SPEF2: variants seen among roughly 807,000 people sequenced by gnomAD.
SPEF2 encodes sperm flagella and cilia-associated protein 2.
SPEF2 carries 187 observed loss-of-function variants against 224.6 expected under a neutral mutation model. The observed-to-expected ratio is 0.83, with a 90% CI of 0.74 to 0.94. The LOEUF is 0.94. SPEF2 is among the 40% of genes least tolerant of loss of function. SPEF2 has a pLI of 0.00. For synonymous variants in SPEF2, 715 were observed against 707.3 expected, an observed-to-expected ratio of 1.01 and a Z score of -0.17; for missense variants, 2,170 against 2,135.6, an observed-to-expected ratio of 1.02 and a Z score of -0.32.
At chr5:35,663,476 T>C (rs6863096) in intron 8 of SPEF2, among the ~76,000 whole-genome samples, 92,257 of 151,970 alleles carry the variant, frequency 0.61, 28,728 homozygotes, top group East Asian at 0.73. Flanking sequence ...TCAAATTGTA[T>C]AAGCCTGAAA....
rs1389281731 is a variant in SPEF2 at position 35,727,816 on chromosome 5, T to G, written c.3056T>G (p.Val1019Gly). 1 of 1,610,876 alleles carries G rather than the reference T, an allele frequency of 6.2e-7. No individual in the cohort carries two copies. The highest frequency in any genetic ancestry group is 8.5e-7 in the Non-Finnish European group (1 of 1,178,948). Reference sequence around the variant, plus strand: ...GAATGGGTCTATGTGAATGAACCAGTTCCTGAGGTATGGCCATTTAGAATC... The same window carrying G: ...GAATGGGTCTATGTGAATGAACCAGGTCCTGAGGTATGGCCATTTAGAATC... ...SEEWVYVNEP[V>G]PEEMPLFLVP... Residue 1019 changes from valine to glycine, a missense_variant, in exon 21 of 37, where the codon GTT (valine) becomes GGT (glycine). Physicochemically the swap from Val to Gly is moderately radical, Grantham distance 109. Transcript: ENST00000356031.
chr5:35,789,985 G>C (rs1232508231), intron 30 of SPEF2: 1 of 700,772 alleles, frequency 1.4e-6, no homozygotes, highest in Non-Finnish European at 2.6e-6. Context: ...GGTAAAACTT[G>C]GGAGTCTCAA....
intron 19 of SPEF2, 158 bp downstream of exon 19, chr5:35,709,279 A>T: frequency 7.6e-6 from 11 of 1,447,366 alleles, no homozygotes; most frequent in Non-Finnish European, 9.9e-6. Context: ...CCCTCGGAGT[A>T]GCTAAAAGCG....
chr5:35,806,702 T>C lies in SPEF2; in HGVS notation c.5011-5T>C, dbSNP rs1376694870. 6 of 1,608,682 alleles carry C rather than the reference T, an allele frequency of 3.7e-6. No individual in the cohort carries two copies. The Admixed American group carries it at 1.0e-4, about 27-fold the overall frequency. ...ACTTCATGTTCTCTTCATTTAACTT[T>C]GCAGACCTCCTCAACTGATGCAGGT... On this transcript the variant is annotated splice_polypyrimidine_tract_variant and splice_region_variant and intron_variant, in intron 34 of 36. Transcript: ENST00000356031.
chr5:35,694,027 A>T (rs1317050650), intron 12 of SPEF2, among the ~76,000 whole-genome samples: 1 of 152,208 alleles, frequency 6.6e-6, no homozygotes, highest in Non-Finnish European at 1.5e-5. Context: ...CATATTTTAC[A>T]TAGTAATTGA....
chr5:35,807,757 A>C (rs1331647497), intron 36 of SPEF2: 2 of 1,535,886 alleles, frequency 1.3e-6, no homozygotes, highest in East Asian at 4.9e-5. Context: ...AAACTGGACA[A>C]ACCCAGCAGA....
In SPEF2 at chr5:35,807,246, A is replaced by G; in HGVS notation, c.5372A>G (p.Lys1791Arg). 6.2e-7 allele frequency: 1 copy of G among 1,611,964 alleles called. No homozygotes were observed. Among genetic ancestry groups the G allele is most frequent in the Non-Finnish European group, 8.5e-7 (1 of 1,179,550 alleles). Residue 1791 changes from lysine to arginine, a missense_variant, in exon 36 of 37, where the codon AAG (lysine) becomes AGG (arginine). Physicochemically the swap from Lys to Arg is conservative, Grantham distance 26. Coordinates refer to ENST00000356031, the MANE Select transcript of SPEF2 (RefSeq NM_024867.4). ...CTGATTTCAAATTATTCAGACTATAAGTTTCCTGTGAGTATTACCCCAAAG... is the reference window on the plus strand; with the variant it reads ...CTGATTTCAAATTATTCAGACTATAGGTTTCCTGTGAGTATTACCCCAAAG... ...QDLISNYSDY[K>R]FPDIKIILQR... is the part of the protein sequence containing the mutation.
At chr5:35,713,318 A>G (rs1357293987) in intron 20 of SPEF2, among the ~76,000 whole-genome samples, 1 of 152,200 alleles carries the variant, frequency 6.6e-6, no homozygotes, top group Non-Finnish European at 1.5e-5. Flanking sequence ...CCTTGGTACA[A>G]TACTGTTAAC....
chr5:35,627,784 G>T (rs1022058339), intron 1 of SPEF2, among the ~76,000 whole-genome samples: 1 of 152,160 alleles, frequency 6.6e-6, no homozygotes, highest in East Asian at 1.9e-4. Flanking sequence ...AACTCAGGAA[G>T]ATGAAGCAGC....
intron 10 of SPEF2, among the ~76,000 whole-genome samples, chr5:35,672,540 T>C (rs923498481): frequency 6.6e-6 from 1 of 151,788 alleles, no homozygotes; most frequent in Non-Finnish European, 1.5e-5. Flanking sequence ...TTGAAACATT[T>C]ATTTTTTGCT....
At chr5:35,655,046 T>G (rs1448404383) in intron 7 of SPEF2, among the ~76,000 whole-genome samples, 2 of 152,238 alleles carry the variant, frequency 1.3e-5, no homozygotes, top group Admixed American at 6.5e-5. Flanking sequence ...GTATCTGCCA[T>G]GTGTACTCTA....
At chr5:35,738,201 G>C (rs112673275) in intron 21 of SPEF2, among the ~76,000 whole-genome samples, 1 of 152,034 alleles carries the variant, frequency 6.6e-6, no homozygotes, top group Non-Finnish European at 1.5e-5. Flanking sequence ...TTGCTCTGCC[G>C]AAGCTCTTTA....
intron 10 of SPEF2, among the ~76,000 whole-genome samples, chr5:35,680,367 T>A (rs755231093): frequency 1.3e-5 from 2 of 152,212 alleles, no homozygotes; most frequent in Non-Finnish European, 2.9e-5. Flanking sequence ...TGCTTTCTGA[T>A]CTTGTCCCTA....
chr5:35,639,067 A>C (rs1746235898), intron 2 of SPEF2, among the ~76,000 whole-genome samples: 1 of 152,164 alleles, frequency 6.6e-6, no homozygotes, highest in African/African-American at 2.4e-5. Context: ...GCCTTTTTAC[A>C]AGGAAAAAGG....
intron 25 of SPEF2, among the ~76,000 whole-genome samples, chr5:35,762,327 A>G (rs1172400916): frequency 1.3e-5 from 2 of 152,224 alleles, no homozygotes; most frequent in East Asian, 3.8e-4. Context: ...GTTGAAAAAT[A>G]CATGTTGTAC....
chr5:35,702,271 T>C (rs1480775057), intron 16 of SPEF2: 1 of 456,124 alleles, frequency 2.2e-6, no homozygotes, highest in Admixed American at 2.3e-5. Flanking sequence ...AGAAACACAC[T>C]ACATCCAAAG....
At chr5:35,632,395 A>G (rs1015549282) in intron 2 of SPEF2, among the ~76,000 whole-genome samples, 2 of 152,154 alleles carry the variant, frequency 1.3e-5, no homozygotes, top group South Asian at 2.1e-4. Flanking sequence ...GCATAAAACC[A>G]TCATATCTCA....
rs1163437436 is a variant in SPEF2 at position 35,667,133 on chromosome 5, A to G, written c.1229A>G (p.His410Arg). The G allele has an allele frequency of 6.2e-7, 1 of 1,611,350 alleles. No individual in the cohort carries two copies. The highest frequency in any genetic ancestry group is 2.2e-5 in the East Asian group (1 of 44,774). Reference protein sequence around the residue: ...EEQFLKEKRFHDQIAVERAQA... With the variant: ...EEQFLKEKRFRDQIAVERAQA... ...CAATTCCTTAAAGAAAAGAGATTTC[A>G]TGATCAGATTGCTGTGGAAAGAGCT... Residue 410 changes from histidine (H) to arginine (R), a missense_variant, in exon 9 of 37, where the codon CAT becomes CGT. His to Arg is a conservative substitution (Grantham distance 29, BLOSUM62 0). Coordinates refer to ENST00000356031, the MANE Select transcript of SPEF2 (RefSeq NM_024867.4).
chr5:35,623,038 A>T (rs1743744080), intron 1 of SPEF2, among the ~76,000 whole-genome samples: 1 of 152,228 alleles, frequency 6.6e-6, no homozygotes, highest in African/African-American at 2.4e-5. Context: ...TCTGTAGTTG[A>T]ACAAAGTTAG....
Sources: allele counts gnomAD v4.1 joint callset (sites outside exome capture counted in the v4.1 genomes callset), GRCh38; gene constraint gnomAD v4.1.1; transcripts MANE v1.5; gene names NCBI Gene and HGNC (gene_info 2026-07-23, HGNC 2026-07-21).